ASTN2: variants seen among roughly 807,000 people sequenced by gnomAD.
The protein encoded by ASTN2 is astrotactin 2.
ASTN2 carries 54 observed loss-of-function variants against 139.8 expected under a neutral mutation model. The observed-to-expected ratio is 0.39, with a 90% CI of 0.31 to 0.48. ASTN2 has a LOEUF of 0.48. Ranked by LOEUF, ASTN2 falls within the 20% of genes least tolerant of loss-of-function variation. ASTN2 has a pLI of 0.95. For synonymous variants in ASTN2, 756 were observed against 719.5 expected (o/e 1.05, Z -0.81); for missense variants, 1,565 against 1,725.1 (o/e 0.91, Z 1.64).
intron 3 of ASTN2, among the ~76,000 whole-genome samples, chr9:117,150,152 C>G (rs978813314): frequency 6.6e-6 from 1 of 152,136 alleles, no homozygotes; most frequent in Non-Finnish European, 1.5e-5. Context: ...CAATACCTTC[C>G]AGGTTCTCTG....
chr9:117,354,333 CT>C (rs772228634), intron 1 of ASTN2, among the ~76,000 whole-genome samples: 5 of 151,606 alleles, frequency 3.3e-5, no homozygotes, highest in Non-Finnish European at 5.9e-5. Context: ...TCATTGCCCC[CT>C]CTCCCTGTGC....
rs1859784990 is a variant in ASTN2 at position 116,680,505 on chromosome 9, T to A, written c.2807-28712A>T. On this transcript the variant is annotated intron_variant, in intron 16 of 22. Transcript: ENST00000313400. ...TTCCAATCAACAGAAAAAGAGGGAA[T>A]CCTCCCTAACTCATTTTATGAGGCC... is the stretch of plus-strand genomic sequence containing the variant. Among the ~76,000 whole-genome samples, 3 of 151,982 alleles carry A rather than the reference T, an allele frequency of 2.0e-5. No individual in the cohort carries two copies. The South Asian group carries it at 6.2e-4, about 32-fold the overall frequency.
At chr9:116,463,495 T>C (rs922898380) in intron 20 of ASTN2, among the ~76,000 whole-genome samples, 3 of 152,234 alleles carry the variant, frequency 2.0e-5, no homozygotes, top group Admixed American at 2.0e-4. Flanking sequence ...TTCTCAAGCA[T>C]GCCATTGTCC....
At chr9:116,753,174 T>A (rs1431623272) in intron 13 of ASTN2, among the ~76,000 whole-genome samples, 4 of 152,164 alleles carry the variant, frequency 2.6e-5, no homozygotes, top group African/African-American at 9.7e-5. Flanking sequence ...TCCACAATTT[T>A]AAAAAATGAG....
Position 117,414,447 on chromosome 9 carries a change from A to G in ASTN2, c.442+50T>C, listed in dbSNP as rs961504764. On this transcript the variant is annotated intron_variant, in intron 1 of 22. Transcript: ENST00000313400. This position sits in a 1 kb window ranked among gnomAD's most constrained non-coding sequence, Gnocchi z 4.2. ...CGCCCCCACCCGTCCGGCATGACGC[A>G]GGGGCTCGGGGTTCCTTGGGATCTA... The G allele has an allele frequency of 8.8e-6, 14 of 1,598,360 alleles. No homozygotes were observed. The highest frequency in any genetic ancestry group is 1.1e-5 in the Non-Finnish European group (13 of 1,172,794).
In ASTN2 at chr9:116,791,028, AAAG is replaced by A. The variant is rs1472690890; in HGVS notation, c.2396+14601_2396+14603del. 9.8e-4 allele frequency among the ~76,000 whole-genome samples: 125 copies of A among 127,780 alleles called. 4 individuals are homozygous for A. Among genetic ancestry groups the A allele is most frequent in the East Asian group, 3.2e-3 (8 of 2,466 alleles). 83.8% of individuals were successfully genotyped at this position (127,780 alleles called of 152,430 possible). A position where few individuals can be genotyped will look rare whatever the true frequency, so the allele number is the denominator to read the frequency against. ...GAAAGAAAGAAAGAAAGAAAGAAAG[AAAG>A]AAAGAAAGAAAGAAAAGAAAAGAAA... On this transcript the variant is annotated intron_variant, in intron 13 of 22. Coordinates refer to ENST00000313400, the MANE Select transcript of ASTN2 (RefSeq NM_001365068.1).
chr9:117,111,095 C>CA lies in ASTN2; in HGVS notation c.1169-14945dup, dbSNP rs370068070. Among the ~76,000 whole-genome samples the CA allele has an allele frequency of 2.4e-3, 370 of 152,270 alleles. 2 individuals carry two copies. The highest frequency in any genetic ancestry group is 8.1e-3 in the African/African-American group (338 of 41,554). On this transcript the variant is annotated intron_variant, in intron 4 of 22. Coordinates refer to ENST00000313400, the MANE Select transcript of ASTN2 (RefSeq NM_001365068.1). ...GAAGTCCAACCAAATTAACTGCCTT[C>CA]AAAAACAAAACATGAGCATTAAAGA...
intron 22 of ASTN2, among the ~76,000 whole-genome samples, chr9:116,427,634 A>G (rs972384087): frequency 2.6e-5 from 4 of 152,206 alleles, no homozygotes; most frequent in African/African-American, 7.2e-5. Flanking sequence ...CAAATGGGAG[A>G]CTGTGTTAGG....
intron 1 of ASTN2, among the ~76,000 whole-genome samples, chr9:117,354,129 T>C (rs978987018): frequency 1.1e-4 from 16 of 152,180 alleles, no homozygotes; most frequent in Middle Eastern, 3.2e-3. Flanking sequence ...GGACAGGCTA[T>C]GTGTGGTGGG....
At chr9:117,391,786 C>A (rs1036867347) in intron 1 of ASTN2, among the ~76,000 whole-genome samples, 2 of 152,134 alleles carry the variant, frequency 1.3e-5, no homozygotes, top group Non-Finnish European at 2.9e-5. Context: ...TCCCTTCCAC[C>A]TTTGAGCCTG....
At chr9:117,127,112 G>A (rs1829708354) in intron 4 of ASTN2, among the ~76,000 whole-genome samples, 1 of 152,168 alleles carries the variant, frequency 6.6e-6, no homozygotes. Flanking sequence ...ATCTAAGAAT[G>A]AGGCCAAAGA....
At chr9:116,540,006 G>A (rs1188707979) in intron 19 of ASTN2, among the ~76,000 whole-genome samples, 1 of 152,124 alleles carries the variant, frequency 6.6e-6, no homozygotes, top group Non-Finnish European at 1.5e-5. Context: ...TTTATAAATG[G>A]CACATAAAAT....
chr9:116,548,907 G>T (rs534187698), intron 19 of ASTN2, among the ~76,000 whole-genome samples: 1 of 152,272 alleles, frequency 6.6e-6, no homozygotes, highest in East Asian at 1.9e-4. Context: ...CCAGGGTCTA[G>T]ATCCATGACC....
intron 11 of ASTN2, among the ~76,000 whole-genome samples, chr9:116,854,762 C>T (rs905208839): frequency 6.6e-6 from 1 of 151,746 alleles, no homozygotes; most frequent in Non-Finnish European, 1.5e-5. Flanking sequence ...CGCCATTCTC[C>T]TGCCTCAGCC....
chr9:117,283,837 T>A (rs1390545485), intron 2 of ASTN2, among the ~76,000 whole-genome samples: 1 of 152,194 alleles, frequency 6.6e-6, no homozygotes, highest in Non-Finnish European at 1.5e-5. Flanking sequence ...ATAAATAACA[T>A]GGTGGCAGTA....
intron 21 of ASTN2, among the ~76,000 whole-genome samples, 149 bp downstream of exon 21, chr9:116,442,292 TAGCTCCATGTTC>T (rs540788676): frequency 1.3e-5 from 2 of 152,312 alleles, no homozygotes; most frequent in African/African-American, 4.8e-5. Flanking sequence ...TTGATTAATT[TAGCTCCATGTTC>T]CTCCTGTTCC....
chr9:116,779,525 G>T (rs1830165169), intron 13 of ASTN2, among the ~76,000 whole-genome samples: 1 of 151,240 alleles, frequency 6.6e-6, no homozygotes, highest in Non-Finnish European at 1.5e-5. Flanking sequence ...TAGCAACACA[G>T]ACACCTCCCT....
At chr9:117,384,293 T>A (rs1337811747) in intron 1 of ASTN2, among the ~76,000 whole-genome samples, 2 of 152,110 alleles carry the variant, frequency 1.3e-5, no homozygotes, top group Non-Finnish European at 2.9e-5. Flanking sequence ...GGTGGTTGAT[T>A]AGGAGAAATA....
chr9:117,042,024 T>C (rs183205689), intron 5 of ASTN2, among the ~76,000 whole-genome samples: 40 of 152,322 alleles, frequency 2.6e-4, no homozygotes, highest in African/African-American at 8.4e-4. Flanking sequence ...CTTACCATTA[T>C]GTCCCAGTAA....
Sources: allele counts gnomAD v4.1 joint callset (sites outside exome capture counted in the v4.1 genomes callset), GRCh38; gene constraint gnomAD v4.1.1; non-coding constraint Gnocchi (gnomAD v3.1); transcripts MANE v1.5; gene names NCBI Gene and HGNC (gene_info 2026-07-23, HGNC 2026-07-21).